CEP295NL: variants seen among roughly 807,000 people sequenced by gnomAD.
CEP295NL encodes the protein CEP295 N-terminal like.
A neutral mutation model predicts 4.6 loss-of-function variants in CEP295NL; 3 were observed. That is an observed-to-expected ratio of 0.65 (90% CI 0.30 to 1.69). The LOEUF (loss-of-function observed/expected upper bound fraction) is 1.69. Among genes scored for constraint, CEP295NL ranks in the 40% most tolerant of loss-of-function variants. The probability of loss-of-function intolerance (pLI) is 0.10; values close to 1 mark genes in which losing one functional copy is unlikely to be tolerated. For synonymous variants in CEP295NL, 295 were observed against 312.2 expected (o/e 0.94, Z 0.58); for missense variants, 719 against 769.0 (o/e 0.93, Z 0.77).
chr17:78,898,934 C>T (rs1443344805), intron 2 of CEP295NL: 1 of 152,232 alleles, frequency 6.6e-6, no homozygotes, highest in Admixed American at 6.5e-5. Context: ...GATAGGGTTT[C>T]ACCATGCCGG....
In CEP295NL at chr17:78,896,715, C is replaced by T. The variant is rs2070006425; in HGVS notation, c.45-4256G>A. On this transcript the variant is annotated intron_variant, in intron 2 of 2. Coordinates refer to ENST00000322630, the MANE Select transcript of CEP295NL (RefSeq NM_001243540.2). This position sits in a 1 kb window ranked among gnomAD's most constrained non-coding sequence, Gnocchi z 4.4. ...CTCCCCCCTCCGCAGAAGCCGCGCTCGGAGCAGCAGAAGGAAGGCGAGTGG... is the reference window on the plus strand; with the variant it reads ...CTCCCCCCTCCGCAGAAGCCGCGCTTGGAGCAGCAGAAGGAAGGCGAGTGG... Among the ~76,000 whole-genome samples, 2 of 152,236 alleles carry T rather than the reference C, an allele frequency of 1.3e-5. No homozygotes were observed. The highest frequency in any genetic ancestry group is 2.4e-5 in the African/African-American group (1 of 41,540).
In CEP295NL at chr17:78,896,984, A is replaced by G; in HGVS notation, c.45-4525T>C. ...GCCTACAGCTTGAGAATGACGTCCA[A>G]GCAGCTCGCCTTTCCCTGGGCGGCC... is the stretch of plus-strand genomic sequence containing the variant. On this transcript the variant is annotated intron_variant, in intron 2 of 2. Transcript: ENST00000322630. This position sits in a 1 kb window ranked among gnomAD's most constrained non-coding sequence, Gnocchi z 4.4. The G allele has an allele frequency of 5.1e-6, 5 of 985,390 alleles. No individual in the cohort carries two copies. The highest frequency in any genetic ancestry group is 4.7e-5 in the South Asian group (1 of 21,288). The allele number at this position is 985,390 out of a possible 1,614,324, so 61.0% of individuals were successfully genotyped here. A position where few individuals can be genotyped will look rare whatever the true frequency, so the allele number is the denominator to read the frequency against.
chr17:78,891,010 C>A lies in CEP295NL; in HGVS notation c.1494G>T (p.Ser498=), dbSNP rs770219042. ...CTTTCTGCCTTTGCCTGGATGCCGTCGAGCCCACTCTGTCTGCCTGGTCTT... is the reference window on the plus strand; with the variant it reads ...CTTTCTGCCTTTGCCTGGATGCCGTAGAGCCCACTCTGTCTGCCTGGTCTT... The part of the protein sequence containing the change: ...HLQDQADRVG[S]TASRQRQKAE... Residue 498 remains serine, a synonymous_variant, in exon 3 of 3, where the codon TCG becomes TCT. Transcript: ENST00000322630. The surrounding 1 kb of genome is among the most constrained non-coding windows in gnomAD (Gnocchi z 4.5). 3 of 1,551,188 alleles carry A rather than the reference C, an allele frequency of 1.9e-6. No individual in the cohort carries two copies. In the South Asian group the frequency reaches 3.6e-5, roughly 18 times the overall value.
rs1451514387 is a variant in CEP295NL, at chr17:78,891,773, C to T, written c.731G>A (p.Arg244Lys). The T allele has an allele frequency of 1.3e-6, 2 of 1,551,078 alleles. No individual in the cohort carries two copies. The highest frequency in any genetic ancestry group is 1.7e-6 in the Non-Finnish European group (2 of 1,147,132). The change falls in exon 3 of 3, where the codon AGG becomes AAG. Residue 244 changes from arginine (R) to lysine (K), a missense_variant. By Grantham distance (26) the Arg-to-Lys change is conservative. Transcript: ENST00000322630. This position sits in a 1 kb window ranked among gnomAD's most constrained non-coding sequence, Gnocchi z 4.5. ...CCTTTCTAGGTCCGCCCCTTTGCTC[C>T]TCCGAGGATGGATGGCACAGCGGCC... Reference protein sequence around the residue: ...GGGRCAIHPRRSKGADLERSN... With the variant: ...GGGRCAIHPRKSKGADLERSN...
Position 78,891,028 on chromosome 17 carries a change from C to T in CEP295NL, c.1476G>A (p.Gln492=). ...ATGCCGTCGAGCCCACTCTGTCTGC[C>T]TGGTCTTGAAGGTGGAGCTGAAGGG... is the stretch of plus-strand genomic sequence containing the variant. ...EGSLQLHLQD[Q]ADRVGSTASR... Residue 492 remains glutamine (Q), a synonymous_variant, in exon 3 of 3, where the codon CAG becomes CAA. Transcript: ENST00000322630. The surrounding 1 kb of genome is among the most constrained non-coding windows in gnomAD (Gnocchi z 4.5). 1 of 1,551,210 alleles carries T rather than the reference C, an allele frequency of 6.4e-7. No individual in the cohort carries two copies. Among genetic ancestry groups the T allele is most frequent in the Non-Finnish European group, 8.7e-7 (1 of 1,147,136 alleles).
chr17:78,891,657 T>C lies in CEP295NL; in HGVS notation c.847A>G (p.Lys283Glu), dbSNP rs1345948480. The change falls in exon 3 of 3, where the codon AAG becomes GAG. Residue 283 changes from lysine to glutamate, a missense_variant. Physicochemically the swap from Lys to Glu is moderately conservative, Grantham distance 56 (BLOSUM62 1). Transcript: ENST00000322630. This position sits in a 1 kb window ranked among gnomAD's most constrained non-coding sequence, Gnocchi z 4.5. Reference protein sequence around the residue: ...TARAGRRQLGKGAVCFVPALT... With the variant: ...TARAGRRQLGEGAVCFVPALT... ...GCTGGAACAAAGCAAACTGCCCCCT[T>C]TCCCAGTTGCCTCCTCCCCGCCCGA... is the stretch of plus-strand genomic sequence containing the variant. 1 of 1,550,980 alleles carries C rather than the reference T, an allele frequency of 6.4e-7. No homozygotes were observed. Among genetic ancestry groups the C allele is most frequent in the Non-Finnish European group, 8.7e-7 (1 of 1,147,106 alleles).
chr17:78,891,932 T>C lies in CEP295NL; in HGVS notation c.572A>G (p.His191Arg), dbSNP rs1306706635. The C allele has an allele frequency of 6.4e-7, 1 of 1,550,434 alleles. No individual in the cohort carries two copies. The highest frequency in any genetic ancestry group is 1.2e-5 in the South Asian group (1 of 84,038). ...REELGQQHPR[H>R]SRPRKTAASP... ...CGCTGCTGTCTTCCGGGGCCTGGAG[T>C]GCCTGGGGTGTTGCTGGCCCAACTC... Residue 191 changes from histidine to arginine, a missense_variant, in exon 3 of 3, where the codon CAC becomes CGC. Transcript: ENST00000322630. This position sits in a 1 kb window ranked among gnomAD's most constrained non-coding sequence, Gnocchi z 4.5.
At chr17:78,899,033 C>G (rs920258196) in intron 2 of CEP295NL, 2 of 152,036 alleles carry the variant, frequency 1.3e-5, no homozygotes, top group African/African-American at 4.8e-5. Flanking sequence ...CCCCCGCACC[C>G]GCCAGACTCT....
Position 78,896,261 on chromosome 17 carries a change from C to G in CEP295NL, c.45-3802G>C, listed in dbSNP as rs1363464326. The stretch of plus-strand genomic sequence containing the variant: ...GTGCAGGCACTGGCAGGGAAAGCAA[C>G]AGAGCCTTAGCTGAGCCCAAGATGA... On this transcript the variant is annotated intron_variant, in intron 2 of 2. Transcript: ENST00000322630. The surrounding 1 kb of genome is among the most constrained non-coding windows in gnomAD (Gnocchi z 4.4). Among the ~76,000 whole-genome samples the G allele has an allele frequency of 6.6e-6, 1 of 152,202 alleles. No homozygotes were observed. Among genetic ancestry groups the G allele is most frequent in the Admixed American group, 6.5e-5 (1 of 15,288 alleles).
In CEP295NL at chr17:78,891,676, C is replaced by T. The variant is rs1411467983; in HGVS notation, c.828G>A (p.Ala276=). Residue 276 remains alanine (A), a synonymous_variant, in exon 3 of 3, where the codon GCG becomes GCA. Transcript: ENST00000322630. The surrounding 1 kb of genome is among the most constrained non-coding windows in gnomAD (Gnocchi z 4.5). ...VEEKEKGTAR[A]GRRQLGKGAV... is the part of the protein sequence containing the mutation. ...CCCCCTTTCCCAGTTGCCTCCTCCC[C>T]GCCCGAGCTGTTCCTTTCTCTTTTT... The T allele has an allele frequency of 6.4e-6, 10 of 1,550,982 alleles. No individual in the cohort carries two copies. The highest frequency in any genetic ancestry group is 1.4e-5 in the African/African-American group (1 of 73,030).
rs540777602 is a variant in CEP295NL at position 78,891,530 on chromosome 17, G to A, written c.974C>T (p.Pro325Leu). Reference protein sequence around the residue: ...DSSCRREAVSPASQCTLREKN... With the variant: ...DSSCRREAVSLASQCTLREKN... ...CTCCCGGAGCGTGCACTGAGATGCT[G>A]GGGACACGGCTTCCCTTCTGCAGCT... The change falls in exon 3 of 3, where the codon CCA (proline) becomes CTA (leucine). Residue 325 changes from proline (P) to leucine (L), a missense_variant. Pro to Leu is a moderately conservative substitution (Grantham distance 98, BLOSUM62 -3). Transcript: ENST00000322630. The surrounding 1 kb of genome is among the most constrained non-coding windows in gnomAD (Gnocchi z 4.5). 1.6e-4 allele frequency: 250 copies of A among 1,551,050 alleles called. No individual in the cohort carries two copies. The African/African-American group carries it at 3.1e-3, about 19-fold the overall frequency.
intron 2 of CEP295NL, chr17:78,901,375 G>T: frequency 4.3e-6 from 1 of 232,498 alleles, no homozygotes; most frequent in Non-Finnish European, 8.6e-6. Flanking sequence ...GAGATGCACG[G>T]GCTGAAGAAC....
chr17:78,891,488 T>C lies in CEP295NL; in HGVS notation c.1016A>G (p.Lys339Arg). The C allele has an allele frequency of 6.4e-7, 1 of 1,551,220 alleles. No homozygotes were observed. Residue 339 changes from lysine to arginine, a missense_variant, in exon 3 of 3, where the codon AAA (lysine) becomes AGA (arginine). Lys to Arg is a conservative substitution (Grantham distance 26). Coordinates refer to ENST00000322630, the MANE Select transcript of CEP295NL (RefSeq NM_001243540.2). The surrounding 1 kb of genome is among the most constrained non-coding windows in gnomAD (Gnocchi z 4.5). ...CTLREKNKWQ[K>R]ELELAFEELF... ...CTCTTCAAAGGCCAACTCCAGCTCT[T>C]TCTGCCACTTGTTCTTCTCCCGGAG...
intron 2 of CEP295NL, among the ~76,000 whole-genome samples, chr17:78,900,811 C>T (rs1406362084): frequency 6.6e-6 from 1 of 152,182 alleles, no homozygotes; most frequent in African/African-American, 2.4e-5. Flanking sequence ...ATGTGGGTCC[C>T]TAAATCCAAC....
At chr17:78,902,782 C>T (rs2070115535) in intron 1 of CEP295NL, 1 of 152,306 alleles carries the variant, frequency 6.6e-6, no homozygotes, top group African/African-American at 2.4e-5. Flanking sequence ...CTGCAAACCT[C>T]AAGATCCTAA....
At position 78,890,823 on chromosome 17, in the gene CEP295NL, G is replaced by C; in HGVS notation, c.1681C>G (p.Gln561Glu). The change falls in exon 3 of 3, where the codon CAG becomes GAG. Residue 561 changes from glutamine to glutamate, a missense_variant. Transcript: ENST00000322630. ...AHLKSSSTRA[Q>E]ERERGSELST... The stretch of plus-strand genomic sequence containing the variant: ...AGCTCAGATCCTCTCTCCCTTTCCT[G>C]GGCTCTCGTGGAGGAGGACTTCAGA... The C allele has an allele frequency of 6.4e-7, 1 of 1,550,592 alleles. No homozygotes were observed. Among genetic ancestry groups the C allele is most frequent in the South Asian group, 1.2e-5 (1 of 84,060 alleles).
Position 78,892,278 on chromosome 17 carries a change from A to G in CEP295NL, c.226T>C (p.Trp76Arg), listed in dbSNP as rs145329239. The change falls in exon 3 of 3, where the codon TGG (tryptophan) becomes CGG (arginine). Residue 76 changes from tryptophan (W) to arginine (R), a missense_variant. By Grantham distance (101) the Trp-to-Arg change is moderately radical. Transcript: ENST00000322630. ...SLCPDNEDLL[W>R]RKKHKLLQAR... ...TGTAGCAATTTGTGCTTTTTCCTCC[A>G]AAGCAGGTCTTCGTTATCAGGACAG... 20,127 of 1,550,744 alleles carry G rather than the reference A, an allele frequency of 0.013. 166 individuals carry two copies. Among genetic ancestry groups the G allele is most frequent in the Non-Finnish European group, 0.015 (17,448 of 1,147,036 alleles).
chr17:78,891,807 A>C lies in CEP295NL; in HGVS notation c.697T>G (p.Ser233Ala), dbSNP rs1164512536. The C allele has an allele frequency of 6.4e-7, 1 of 1,550,714 alleles. No homozygotes were observed. The highest frequency in any genetic ancestry group is 1.4e-5 in the African/African-American group (1 of 73,012). ...RKGRPEPSTK[S>A]GGGRCAIHPR... ...TGGATGGCACAGCGGCCACCCCCAG[A>C]CTTGGTCGAAGGTTCTGGCCTTCCC... Residue 233 changes from serine to alanine, a missense_variant, in exon 3 of 3, where the codon TCT (serine) becomes GCT (alanine). Transcript: ENST00000322630. The surrounding 1 kb of genome is among the most constrained non-coding windows in gnomAD (Gnocchi z 4.5).
chr17:78,897,006 G>A (rs1370695372), intron 2 of CEP295NL: 27 of 985,326 alleles, frequency 2.7e-5, no homozygotes, highest in African/African-American at 2.3e-4. Flanking sequence ...TTCCCTGGGC[G>A]GCCGCTCAGA....
Sources: allele counts gnomAD v4.1 joint callset (sites outside exome capture counted in the v4.1 genomes callset), GRCh38; gene constraint gnomAD v4.1.1; non-coding constraint Gnocchi (gnomAD v3.1); transcripts MANE v1.5; gene names NCBI Gene and HGNC (gene_info 2026-07-23, HGNC 2026-07-21).